The following HSP90B1 variants were observed in gnomAD, a reference collection of about 807,000 sequenced individuals.
HSP90B1 encodes the protein endoplasmin.
HSP90B1 carries 27 observed loss-of-function variants against 100.4 expected under a neutral mutation model. That is an observed-to-expected ratio of 0.27 (90% CI 0.20 to 0.37). The LOEUF (loss-of-function observed/expected upper bound fraction) is 0.37. HSP90B1 is among the 10% of genes least tolerant of loss of function. The probability of loss-of-function intolerance (pLI) is 1.00; values close to 1 mark genes in which losing one functional copy is unlikely to be tolerated. For missense variants in HSP90B1, 678 were observed against 960.5 expected, an observed-to-expected ratio of 0.71 and a Z score of 3.89; for synonymous variants, 304 against 330.8, an observed-to-expected ratio of 0.92 and a Z score of 0.88.
chr12:103,945,808 G>A (rs541977637), intron 14 of HSP90B1, among the ~76,000 whole-genome samples: 1 of 152,258 alleles, frequency 6.6e-6, no homozygotes, highest in Admixed American at 6.5e-5. Context: ...ATACAGGCTG[G>A]GCACATGGCT....
Position 103,938,469 on chromosome 12 carries a change from G to T in HSP90B1, c.975+10G>T. 2 of 1,608,212 alleles carry T rather than the reference G, an allele frequency of 1.2e-6. No individual in the cohort carries two copies. The highest frequency in any genetic ancestry group is 2.2e-5 in the East Asian group (1 of 44,744). On this transcript the variant is annotated intron_variant, in intron 7 of 17. Coordinates refer to ENST00000299767, the MANE Select transcript of HSP90B1 (RefSeq NM_003299.3). The stretch of plus-strand genomic sequence containing the variant: ...ACCAAAGACTAAAAAAGTAAGTCTG[G>T]TTTATCTCCCTGCATAAGATATTGT...
At position 103,943,817 on chromosome 12, in the gene HSP90B1, ACATGGAGAGAAT is replaced by A; in HGVS notation, c.1975_1986del (p.Glu659_Met662del). ...GCCAGCCAGTACGGATGGTCTGGCA[ACATGGAGAGAAT>A]CATGAAAGCACAAGCGTACCAAACG... is the stretch of plus-strand genomic sequence containing the variant. On this transcript the variant is annotated inframe_deletion, in exon 14 of 18. Coordinates refer to ENST00000299767, the MANE Select transcript of HSP90B1 (RefSeq NM_003299.3). The surrounding 1 kb of genome is among the most constrained non-coding windows in gnomAD (Gnocchi z 5.3). 6.2e-7 allele frequency: 1 copy of A among 1,614,150 alleles called. No individual in the cohort carries two copies. Among genetic ancestry groups the A allele is most frequent in the Non-Finnish European group, 8.5e-7 (1 of 1,180,006 alleles).
At chr12:103,935,857 A>G (rs191382530) in intron 5 of HSP90B1, among the ~76,000 whole-genome samples, 1 of 152,362 alleles carries the variant, frequency 6.6e-6, no homozygotes, top group East Asian at 1.9e-4. Flanking sequence ...TATAAGCTCC[A>G]TGAAGGCAAA....
At chr12:103,931,676 G>A in intron 2 of HSP90B1, 53 bp downstream of exon 2, 3 of 1,276,698 alleles carry the variant, frequency 2.3e-6, no homozygotes, top group Middle Eastern at 1.9e-4. Flanking sequence ...AACCTTGTGA[G>A]TTACGGTCAC....
intron 8 of HSP90B1, among the ~76,000 whole-genome samples, chr12:103,939,916 T>C (rs1870026767): frequency 6.6e-6 from 1 of 152,234 alleles, no homozygotes; most frequent in South Asian, 2.1e-4. Context: ...TTACTTAAGT[T>C]GAATTATTAT....
At chr12:103,931,461 T>C in intron 1 of HSP90B1, 60 bp from the exon 2 acceptor site, 7 of 1,359,046 alleles carry the variant, frequency 5.2e-6, no homozygotes, top group Non-Finnish European at 7.3e-6. Flanking sequence ...CCCTTCCCTA[T>C]TTGATCATCC....
Position 103,937,676 on chromosome 12 carries a change from C to T in HSP90B1, c.744-19C>T, listed in dbSNP as rs1869955163. The T allele has an allele frequency of 2.4e-6, 3 of 1,262,536 alleles. No individual in the cohort carries two copies. The highest frequency in any genetic ancestry group is 1.5e-5 in the African/African-American group (1 of 67,858). The allele number at this position is 1,262,536 out of a possible 1,614,324, so 78.2% of individuals were successfully genotyped here. ...CTTCTAAATGTTAGGTGTCTCTAAACATCGAATTTTTCTTGCAGCCTTGTC... is the reference window on the plus strand; with the variant it reads ...CTTCTAAATGTTAGGTGTCTCTAAATATCGAATTTTTCTTGCAGCCTTGTC... On this transcript the variant is annotated intron_variant, in intron 5 of 17. Coordinates refer to ENST00000299767, the MANE Select transcript of HSP90B1 (RefSeq NM_003299.3).
At chr12:103,935,516 T>C (rs1026985019) in intron 5 of HSP90B1, among the ~76,000 whole-genome samples, 1 of 152,228 alleles carries the variant, frequency 6.6e-6, no homozygotes, top group Non-Finnish European at 1.5e-5. Flanking sequence ...ATACTTATCA[T>C]TGTGACCAAC....
rs1229397712 is a variant in HSP90B1, at chr12:103,943,206, A to G, written c.1777A>G (p.Lys593Glu). The stretch of plus-strand genomic sequence containing the variant: ...TGGGAAGAGGTTCCAGAATGTTGCC[A>G]AGGAAGGAGTGAAGTTCGATGAAAG... The part of the protein sequence containing the change: ...FDGKRFQNVA[K>E]EGVKFDESEK... Residue 593 changes from lysine to glutamate, a missense_variant, in exon 13 of 18, where the codon AAG (lysine) becomes GAG (glutamate). Lys to Glu is a moderately conservative substitution (Grantham distance 56, BLOSUM62 1). Coordinates refer to ENST00000299767, the MANE Select transcript of HSP90B1 (RefSeq NM_003299.3). This position sits in a 1 kb window ranked among gnomAD's most constrained non-coding sequence, Gnocchi z 5.3. 1 of 1,614,192 alleles carries G rather than the reference A, an allele frequency of 6.2e-7. No individual in the cohort carries two copies. Among genetic ancestry groups the G allele is most frequent in the Admixed American group, 1.7e-5 (1 of 60,020 alleles).
Position 103,930,456 on chromosome 12 carries a change from G to A in HSP90B1, c.-60G>A, listed in dbSNP as rs770432188. 8.6e-7 allele frequency: 1 copy of A among 1,168,290 alleles called. No individual in the cohort carries two copies. The highest frequency in any genetic ancestry group is 1.2e-6 in the Non-Finnish European group (1 of 848,752). 72.4% of individuals were successfully genotyped at this position (1,168,290 alleles called of 1,614,324 possible). ...GAGGTGTGAGGATCCGAACCCAGGG[G>A]TGGGGGGTGGAGGCGGCTCCTGCGA... On this transcript the variant is annotated 5_prime_UTR_variant, in exon 1 of 18. In the 5' UTR this introduces an upstream ATG that the reference lacks. Transcript: ENST00000299767. This position sits in a 1 kb window ranked among gnomAD's most constrained non-coding sequence, Gnocchi z 4.4.
intron 6 of HSP90B1, 89 bp downstream of exon 6, chr12:103,937,895 G>A (rs960549744): frequency 8.9e-6 from 6 of 677,442 alleles, no homozygotes; most frequent in East Asian, 3.0e-5. Flanking sequence ...AGGCCGGCGC[G>A]GTGGCTCATG....
Position 103,930,618 on chromosome 12 carries a change from C to A in HSP90B1, c.49+54C>A, listed in dbSNP as rs1398200262. 9 of 1,554,300 alleles carry A rather than the reference C, an allele frequency of 5.8e-6. No individual in the cohort carries two copies. The Admixed American group carries it at 1.7e-4, about 29-fold the overall frequency. Reference sequence around the variant, plus strand: ...CCCCTCCACACACGCGGCCGCTTCTCGAAGGTCCTGGGGGCGTTGAACGTG... The same window carrying A: ...CCCCTCCACACACGCGGCCGCTTCTAGAAGGTCCTGGGGGCGTTGAACGTG... On this transcript the variant is annotated intron_variant, in intron 1 of 17. Transcript: ENST00000299767. This position sits in a 1 kb window ranked among gnomAD's most constrained non-coding sequence, Gnocchi z 4.4.
At chr12:103,935,690 A>T (rs1440374405) in intron 5 of HSP90B1, among the ~76,000 whole-genome samples, 1 of 152,156 alleles carries the variant, frequency 6.6e-6, no homozygotes, top group African/African-American at 2.4e-5. Flanking sequence ...TTTCATTTGG[A>T]GGCATCACTA....
chr12:103,932,143 A>G, intron 2 of HSP90B1, 134 bp from the exon 3 acceptor site: 2 of 618,296 alleles, frequency 3.2e-6, no homozygotes, highest in South Asian at 4.8e-5. Context: ...ACGGTATATC[A>G]GTTATATTTT....
intron 8 of HSP90B1, 35 bp downstream of exon 8, chr12:103,939,660 A>G: frequency 2.0e-6 from 2 of 983,018 alleles, no homozygotes; most frequent in Non-Finnish European, 3.1e-6. Flanking sequence ...TCTGGTTATT[A>G]ATGAATAGAC....
chr12:103,934,319 TA>T (rs1410278295), intron 5 of HSP90B1, 32 bp downstream of exon 5: 4 of 1,525,928 alleles, frequency 2.6e-6, no homozygotes, highest in Non-Finnish European at 3.6e-6. Context: ...TAAGAATTAA[TA>T]GTCATGGTGA....
intron 5 of HSP90B1, 111 bp downstream of exon 5, chr12:103,934,398 A>G (rs1051205324): frequency 4.6e-5 from 40 of 862,196 alleles, no homozygotes; most frequent in Middle Eastern, 2.3e-4. Flanking sequence ...TTCCTGCCTT[A>G]TAAAATGAGG....
chr12:103,930,549 G>T lies in HSP90B1; in HGVS notation c.34G>T (p.Val12Phe), dbSNP rs761866435. The T allele has an allele frequency of 1.9e-6, 3 of 1,610,372 alleles. No individual in the cohort carries two copies. Among genetic ancestry groups the T allele is most frequent in the Non-Finnish European group, 2.5e-6 (3 of 1,178,782 alleles). ...CCTGTGGGTGCTGGGCCTCTGCTGC[G>T]TCCTGCTGACCTTCGGTGAGTGATT... ...RALWVLGLCC[V>F]LLTFGSVRAD... Residue 12 changes from valine (V) to phenylalanine (F), a missense_variant, in exon 1 of 18, where the codon GTC (valine) becomes TTC (phenylalanine). Transcript: ENST00000299767. The surrounding 1 kb of genome is among the most constrained non-coding windows in gnomAD (Gnocchi z 4.4).
chr12:103,941,850 C>T lies in HSP90B1; in HGVS notation c.1327C>T (p.Pro443Ser). The change falls in exon 11 of 18, where the codon CCC (proline) becomes TCC (serine). Residue 443 changes from proline to serine, a missense_variant. Physicochemically the swap from Pro to Ser is moderately conservative, Grantham distance 74. Coordinates refer to ENST00000299767, the MANE Select transcript of HSP90B1 (RefSeq NM_003299.3). ...VKGVVDSDDL[P>S]LNVSRETLQQ... ...TCTGAAGGTGGACTCAGATGATCTCCCCTTGAATGTTTCCCGCGAGACTCT... is the reference window on the plus strand; with the variant it reads ...TCTGAAGGTGGACTCAGATGATCTCTCCTTGAATGTTTCCCGCGAGACTCT... The T allele has an allele frequency of 6.2e-7, 1 of 1,613,874 alleles. No individual in the cohort carries two copies. Among genetic ancestry groups the T allele is most frequent in the Non-Finnish European group, 8.5e-7 (1 of 1,179,842 alleles).
Sources: gnomAD v4.1 joint callset for allele counts (sites outside exome capture counted in the v4.1 genomes callset) on GRCh38, gnomAD v4.1.1 for gene constraint, Gnocchi (gnomAD v3.1) non-coding constraint, MANE v1.5 for transcripts, NCBI Gene and HGNC (gene_info 2026-07-23, HGNC 2026-07-21) for gene names.